The following LY75 variants were observed in gnomAD, a reference collection of about 807,000 sequenced individuals.
LY75 encodes the protein lymphocyte antigen 75.
In LY75, 185 loss-of-function variants were observed where a neutral mutation model predicts 231.7. That is an observed-to-expected ratio of 0.80 (90% CI 0.71 to 0.90). LY75 has a LOEUF of 0.90. Among genes scored for constraint, LY75 ranks in the 40% least tolerant of loss-of-function variants. The probability of loss-of-function intolerance (pLI) is 0.00; values close to 1 mark genes in which losing one functional copy is unlikely to be tolerated. For synonymous variants in LY75, 668 were observed against 689.0 expected (o/e 0.97, Z 0.48); for missense variants, 1,947 against 2,050.2 (o/e 0.95, Z 0.97).
intron 12 of LY75, 136 bp downstream of exon 12, chr2:159,875,308 C>A: frequency 1.6e-6 from 2 of 1,242,618 alleles, no homozygotes; most frequent in Non-Finnish European, 2.2e-6. Flanking sequence ...CGATGCCCTG[C>A]CAAGGACTCT....
chr2:159,875,861 G>A lies in LY75; in HGVS notation c.1775-218C>T, dbSNP rs187326737. On this transcript the variant is annotated intron_variant, in intron 11 of 34. Transcript: ENST00000263636. ...AGATTAATCCTCATAACAAACCTAT[G>A]GGGGGATTCTATTGTCATAATTTGA... 4.5e-3 allele frequency among the ~76,000 whole-genome samples: 691 copies of A among 152,154 alleles called. 8 individuals carry two copies. The highest frequency in any genetic ancestry group is 0.024 in the Middle Eastern group (7 of 292).
chr2:159,881,124 G>A lies in LY75; in HGVS notation c.1363C>T (p.Pro455Ser). Residue 455 changes from proline to serine, a missense_variant, in exon 8 of 35, where the codon CCC becomes TCC. Pro to Ser is a moderately conservative substitution (Grantham distance 74). Coordinates refer to ENST00000263636, the MANE Select transcript of LY75 (RefSeq NM_002349.4). ...ACACAGTTGGGCGTCTTATTGTAGG[G>A]AACATTTGGCTCATTCTCATCCCAA... ...TYWDENEPNVPYNKTPNCVSY... is the reference protein window; with the variant it reads ...TYWDENEPNVSYNKTPNCVSY... 6.2e-7 allele frequency: 1 copy of A among 1,613,852 alleles called. No individual in the cohort carries two copies. Among genetic ancestry groups the A allele is most frequent in the Non-Finnish European group, 8.5e-7 (1 of 1,179,876 alleles).
Position 159,810,651 on chromosome 2 carries a change from T to C in LY75, c.4574A>G (p.Tyr1525Cys), listed in dbSNP as rs953286842. ...TKSKKLSRLT[Y>C]SSRCPAAKEN... ...TTTTGCTGCTGGACATCTTGATGAA[T>C]ATGTAAGACGGGACAGCTTTTTAGC... is the stretch of plus-strand genomic sequence containing the variant. Residue 1525 changes from tyrosine (Y) to cysteine (C), a missense_variant, in exon 32 of 35, where the codon TAT becomes TGT. Transcript: ENST00000263636. 6.2e-7 allele frequency: 1 copy of C among 1,613,724 alleles called. No individual in the cohort carries two copies. Among genetic ancestry groups the C allele is most frequent in the Non-Finnish European group, 8.5e-7 (1 of 1,179,888 alleles).
At chr2:159,839,380 G>T (rs748651719) in intron 25 of LY75, among the ~76,000 whole-genome samples, 20 of 152,188 alleles carry the variant, frequency 1.3e-4, no homozygotes, top group Non-Finnish European at 2.2e-4. Context: ...AACTTCAGCT[G>T]TGTAATGATT....
At chr2:159,834,282 G>C in intron 26 of LY75, 71 bp from the exon 27 acceptor site, 5 of 1,575,740 alleles carry the variant, frequency 3.2e-6, no homozygotes, top group Non-Finnish European at 4.3e-6. Flanking sequence ...CAGTCATTAG[G>C]CTTGATTTGT....
chr2:159,875,333 T>C, intron 12 of LY75, 111 bp downstream of exon 12: 1 of 1,432,650 alleles, frequency 7.0e-7, no homozygotes, highest in South Asian at 1.4e-5. Context: ...TCCAGAGCAC[T>C]TTAGTTAGGT....
Position 159,831,728 on chromosome 2 carries a change from C to A in LY75, c.3900G>T (p.Glu1300Asp). The A allele has an allele frequency of 6.2e-7, 1 of 1,612,634 alleles. No individual in the cohort carries two copies. The highest frequency in any genetic ancestry group is 1.3e-5 in the African/African-American group (1 of 74,994). ...CCATATAATTGAAGTACAGCAGTTG[C>A]TCAAGAACAAAGTTATTCTCCTTTT... ...RDEKENNFVLEQLLYFNYMAS... is the reference protein window; with the variant it reads ...RDEKENNFVLDQLLYFNYMAS... The change falls in exon 28 of 35, where the codon GAG becomes GAT. Residue 1300 changes from glutamate (E) to aspartate (D), a missense_variant. Coordinates refer to ENST00000263636, the MANE Select transcript of LY75 (RefSeq NM_002349.4).
At position 159,819,714 on chromosome 2, in the gene LY75, T is replaced by C. The variant is rs1358641686; in HGVS notation, c.4153+12A>G. On this transcript the variant is annotated intron_variant, in intron 29 of 34. Coordinates refer to ENST00000263636, the MANE Select transcript of LY75 (RefSeq NM_002349.4). ...TGGAGTGAAAGAAAACTCTATATTT[T>C]ACTATACTTACCCATTTCAATTTTA... is the stretch of plus-strand genomic sequence containing the variant. The C allele has an allele frequency of 6.3e-7, 1 of 1,591,848 alleles. No individual in the cohort carries two copies. Among genetic ancestry groups the C allele is most frequent in the Non-Finnish European group, 8.5e-7 (1 of 1,173,082 alleles).
chr2:159,841,114 T>C (rs1247287758), intron 24 of LY75, 159 bp from the exon 25 acceptor site: 5 of 670,382 alleles, frequency 7.5e-6, no homozygotes, highest in Non-Finnish European at 9.2e-6. Flanking sequence ...TGTCTTGCTG[T>C]ATACCTTAAG....
At chr2:159,898,266 C>A (rs1685957776) in intron 2 of LY75, among the ~76,000 whole-genome samples, 1 of 152,176 alleles carries the variant, frequency 6.6e-6, no homozygotes, top group African/African-American at 2.4e-5. Context: ...AACCATGCAC[C>A]ACTACGCCTG....
rs371016357 is a variant in LY75 at position 159,834,213 on chromosome 2, T to C, written c.3674-2A>G. 6.2e-7 allele frequency: 1 copy of C among 1,613,292 alleles called. No homozygotes were observed. Among genetic ancestry groups the C allele is most frequent in the Non-Finnish European group, 8.5e-7 (1 of 1,179,750 alleles). ...GTTTGACCTCTTTTTCAGTCTCATC[T>C]AGAAAAAGAGTTAATGGTAAGAATT... On this transcript the variant is annotated splice_acceptor_variant, in intron 26 of 34. Transcript: ENST00000263636. LOFTEE classifies it high-confidence loss of function.
chr2:159,875,242 T>A, intron 12 of LY75, among the ~76,000 whole-genome samples: 1 of 151,846 alleles, frequency 6.6e-6, no homozygotes. Flanking sequence ...GGCCTGCCCT[T>A]TCAGGTAGGA....
chr2:159,843,242 G>C (rs2125848588), intron 23 of LY75, among the ~76,000 whole-genome samples: 1 of 152,164 alleles, frequency 6.6e-6, no homozygotes, highest in African/African-American at 2.4e-5. Context: ...GGGTGGAGAA[G>C]AGAGTGGACA....
At chr2:159,880,261 T>G (rs1044637560) in intron 8 of LY75, among the ~76,000 whole-genome samples, 1 of 152,192 alleles carries the variant, frequency 6.6e-6, no homozygotes, top group Non-Finnish European at 1.5e-5. Context: ...ACAGCCTATT[T>G]TGGATTATTA....
intron 12 of LY75, among the ~76,000 whole-genome samples, chr2:159,874,312 T>A (rs1404669011): frequency 3.9e-5 from 5 of 127,612 alleles, no homozygotes; most frequent in Admixed American, 8.5e-5. Context: ...TATATAAATA[T>A]ATATATGTTT....
rs188972874 is a variant in LY75, at chr2:159,824,816, G to A, written c.3959-4896C>T. ...AGGATTAAGAAACTCACTCAAAACCGCACAACTACATGGAAACTGAACAAC... is the reference window on the plus strand; with the variant it reads ...AGGATTAAGAAACTCACTCAAAACCACACAACTACATGGAAACTGAACAAC... On this transcript the variant is annotated intron_variant, in intron 28 of 34. Transcript: ENST00000263636. Among the ~76,000 whole-genome samples, 1,011 of 151,778 alleles carry A rather than the reference G, an allele frequency of 6.7e-3. 10 individuals are homozygous for A. The highest frequency in any genetic ancestry group is 0.023 in the African/African-American group (966 of 41,314).
intron 17 of LY75, 57 bp from the exon 18 acceptor site, chr2:159,854,592 T>G: frequency 6.4e-7 from 1 of 1,556,884 alleles, no homozygotes. Context: ...AACTGTGTCC[T>G]CTAAGCATGA....
chr2:159,840,674 A>T, intron 25 of LY75, 55 bp downstream of exon 25: 1 of 1,610,964 alleles, frequency 6.2e-7, no homozygotes, highest in South Asian at 1.1e-5. Context: ...GCTATGCACA[A>T]TAAAAAATGT....
intron 31 of LY75, among the ~76,000 whole-genome samples, chr2:159,812,683 G>A (rs1682998340): frequency 6.6e-6 from 1 of 152,162 alleles, no homozygotes; most frequent in African/African-American, 2.4e-5. Flanking sequence ...AAAGTGCTGA[G>A]ATTACAAGCA....
Sources: gnomAD v4.1 joint callset for allele counts (sites outside exome capture counted in the v4.1 genomes callset) on GRCh38, gnomAD v4.1.1 for gene constraint, MANE v1.5 for transcripts, NCBI Gene and HGNC (gene_info 2026-07-23, HGNC 2026-07-21) for gene names.